Variants in ENTPD3 observed in about 807,000 individuals in gnomAD.
ENTPD3 encodes CD39 antigen-like 3.
ENTPD3 carries 60 observed loss-of-function variants against 51.2 expected under a neutral mutation model. The observed-to-expected ratio is 1.17, with a 90% CI of 0.95 to 1.45. ENTPD3 has a LOEUF of 1.45. ENTPD3 is among the 40% of genes most tolerant of loss of function. ENTPD3 has a pLI of 0.00. For missense variants in ENTPD3, 593 were observed against 641.1 expected, an observed-to-expected ratio of 0.93 and a Z score of 0.81; for synonymous variants, 221 against 238.4, an observed-to-expected ratio of 0.93 and a Z score of 0.67.
intron 4 of ENTPD3, 144 bp from the exon 5 acceptor site, chr3:40,411,668 A>G (rs1204939115): frequency 1.5e-5 from 10 of 649,744 alleles, no homozygotes. Flanking sequence ...CAGTGTGACC[A>G]TACGGGACTT....
intron 3 of ENTPD3, among the ~76,000 whole-genome samples, chr3:40,399,837 C>T (rs1362796291): frequency 6.6e-6 from 1 of 151,982 alleles, no homozygotes; most frequent in Non-Finnish European, 1.5e-5. Flanking sequence ...CCCAGCACTG[C>T]CCAGCAACAC....
At chr3:40,390,956 T>A (rs920150416) in intron 2 of ENTPD3, 6 of 152,150 alleles carry the variant, frequency 3.9e-5, no homozygotes, top group African/African-American at 1.4e-4. Flanking sequence ...TAGTACTAAT[T>A]TTTTTATTTT....
At chr3:40,408,727 G>GA (rs1378003089) in intron 4 of ENTPD3, among the ~76,000 whole-genome samples, 4 of 152,078 alleles carry the variant, frequency 2.6e-5, no homozygotes, top group African/African-American at 9.7e-5. Flanking sequence ...GTGAAAATCA[G>GA]AAAACACAGG....
chr3:40,408,381 C>T (rs558789165), intron 4 of ENTPD3, among the ~76,000 whole-genome samples: 1 of 152,054 alleles, frequency 6.6e-6, no homozygotes, highest in Admixed American at 6.5e-5. Context: ...ATTTTCTTTA[C>T]AATAATTCCT....
Position 40,425,916 on chromosome 3 carries a change from A to G in ENTPD3, c.1354-1356A>G, listed in dbSNP as rs1043271451. Among the ~76,000 whole-genome samples, 13 of 150,454 alleles carry G rather than the reference A, an allele frequency of 8.6e-5. No individual in the cohort carries two copies. The East Asian group carries it at 1.9e-3, about 23-fold the overall frequency. On this transcript the variant is annotated intron_variant, in intron 10 of 10. Coordinates refer to ENST00000301825, the MANE Select transcript of ENTPD3 (RefSeq NM_001248.4). ...CTGTCTCAAAAAAAAAAAAAAAATT[A>G]TATTAAAAAAAACAGAAAACGAACA... is the stretch of plus-strand genomic sequence containing the variant.
chr3:40,392,671 C>T (rs17078813), intron 3 of ENTPD3: 39,323 of 152,140 alleles, frequency 0.26, 5,984 homozygotes, highest in East Asian at 0.51. Flanking sequence ...GAGTAAAGAC[C>T]GAGGCTGAGC....
intron 4 of ENTPD3, among the ~76,000 whole-genome samples, chr3:40,410,172 G>T (rs750668890): frequency 2.5e-4 from 38 of 152,308 alleles, no homozygotes; most frequent in Non-Finnish European, 3.8e-4. Flanking sequence ...CAGTCATGGT[G>T]TCTCACACCT....
chr3:40,418,761 C>T (rs1008829643), intron 7 of ENTPD3, among the ~76,000 whole-genome samples: 2 of 152,066 alleles, frequency 1.3e-5, no homozygotes, highest in Non-Finnish European at 2.9e-5. Context: ...TGTGTAAAAA[C>T]TTGGCTTCAT....
intron 3 of ENTPD3, among the ~76,000 whole-genome samples, chr3:40,397,972 C>G (rs1360364902): frequency 1.3e-5 from 2 of 152,174 alleles, no homozygotes; most frequent in African/African-American, 4.8e-5. Context: ...CCCTCTCCCC[C>G]AAAAGAATCA....
At chr3:40,388,205 T>C (rs1954980783) in intron 2 of ENTPD3, 108 bp downstream of exon 2, 1 of 1,068,038 alleles carries the variant, frequency 9.4e-7, no homozygotes, top group African/African-American at 1.6e-5. Flanking sequence ...ATTGTTTAAC[T>C]TTATTGGTTT....
chr3:40,421,190 A>G (rs1006763569), intron 7 of ENTPD3, among the ~76,000 whole-genome samples: 7 of 151,636 alleles, frequency 4.6e-5, no homozygotes, highest in Non-Finnish European at 8.8e-5. Flanking sequence ...CGCCTGGCTA[A>G]TTTTTGTATT....
At chr3:40,397,122 T>TTTC (rs1955223697) in intron 3 of ENTPD3, among the ~76,000 whole-genome samples, 1 of 129,324 alleles carries the variant, frequency 7.7e-6, no homozygotes, top group Non-Finnish European at 1.5e-5. Context: ...TTAGTTTCTT[T>TTTC]TTTTTTTTTT....
rs779439297 is a variant in ENTPD3 at position 40,427,506 on chromosome 3, T to C, written c.1588T>C (p.Ter530ArgextTer24). ...CTTTGACCATGCAGTGGATTCTGAC[T>C]GAGCCTTCAAAGCAGCTCCTGGAGT... is the stretch of plus-strand genomic sequence containing the variant. ...HAFDHAVDSD[*>R] Residue 530 changes from the stop codon to arginine, a stop_lost, in exon 11 of 11, where the codon TGA (stop) becomes CGA (arginine). Coordinates refer to ENST00000301825, the MANE Select transcript of ENTPD3 (RefSeq NM_001248.4). The C allele has an allele frequency of 1.2e-6, 2 of 1,612,768 alleles. No individual in the cohort carries two copies. The highest frequency in any genetic ancestry group is 1.7e-6 in the Non-Finnish European group (2 of 1,178,776).
intron 3 of ENTPD3, among the ~76,000 whole-genome samples, chr3:40,398,044 C>A (rs958816996): frequency 3.3e-5 from 5 of 152,134 alleles, no homozygotes; most frequent in Admixed American, 2.6e-4. Flanking sequence ...ATTTTTCCCA[C>A]TTTTGAAAAT....
chr3:40,410,344 G>C (rs1231673453), intron 4 of ENTPD3, among the ~76,000 whole-genome samples: 1 of 151,838 alleles, frequency 6.6e-6, no homozygotes, highest in Non-Finnish European at 1.5e-5. Context: ...CGGAGGCTGA[G>C]GCACAAGAAT....
intron 4 of ENTPD3, among the ~76,000 whole-genome samples, chr3:40,408,849 T>C (rs1377617475): frequency 2.0e-5 from 3 of 151,914 alleles, no homozygotes; most frequent in African/African-American, 7.3e-5. Context: ...CTGGGCAACA[T>C]AGCAAGACCC....
At position 40,428,568 on chromosome 3, in the gene ENTPD3, T is replaced by C. The variant is rs980513644; in HGVS notation, c.*1060T>C. ...CAAACTAAAAATCAGCATTATTTCA[T>C]ATTGCTGTTTCTTAGCTGAATATGG... On this transcript the variant is annotated 3_prime_UTR_variant, in exon 11 of 11. Transcript: ENST00000301825. The C allele has an allele frequency of 6.6e-6, 1 of 152,206 alleles. No individual in the cohort carries two copies. The highest frequency in any genetic ancestry group is 6.5e-5 in the Admixed American group (1 of 15,284). 9.4% of individuals were successfully genotyped at this position (152,206 alleles called of 1,614,324 possible). A position where few individuals can be genotyped will look rare whatever the true frequency, so the allele number is the denominator to read the frequency against.
chr3:40,427,171 T>C, intron 10 of ENTPD3, 101 bp from the exon 11 acceptor site: 1 of 975,372 alleles, frequency 1.0e-6, no homozygotes. Flanking sequence ...GGCCACAATT[T>C]CCCATGGGAG....
chr3:40,422,708 T>C (rs544958341), intron 7 of ENTPD3, 142 bp from the exon 8 acceptor site: 11 of 642,272 alleles, frequency 1.7e-5, no homozygotes, highest in Non-Finnish European at 2.3e-5. Flanking sequence ...TATGGCTTCA[T>C]AGTATTCCAT....
Sources: allele counts gnomAD v4.1 joint callset (sites outside exome capture counted in the v4.1 genomes callset), GRCh38; gene constraint gnomAD v4.1.1; transcripts MANE v1.5; gene names NCBI Gene and HGNC (gene_info 2026-07-23, HGNC 2026-07-21).